CRISPLD2: variants seen among roughly 807,000 people sequenced by gnomAD.
CRISPLD2 encodes cysteine-rich secretory protein LCCL domain-containing 2.
In CRISPLD2, 47 loss-of-function variants were observed where a neutral mutation model predicts 71.1. The ratio of observed to expected loss-of-function variants is 0.66; its 90% confidence interval spans 0.52 to 0.84. The LOEUF is 0.84. CRISPLD2 is among the 40% of genes least tolerant of loss of function. The pLI is 0.00. For missense variants in CRISPLD2, 830 were observed against 651.1 expected, an observed-to-expected ratio of 1.27 and a Z score of -2.99; for synonymous variants, 317 against 250.1, an observed-to-expected ratio of 1.27 and a Z score of -2.52.
At chr16:84,882,014 T>C (rs987420883) in intron 13 of CRISPLD2, among the ~76,000 whole-genome samples, 7 of 152,162 alleles carry the variant, frequency 4.6e-5, no homozygotes, top group South Asian at 2.1e-4. Flanking sequence ...TCAGCTAAAA[T>C]TGAGTTATAA....
chr16:84,853,092 C>T (rs996996973), intron 5 of CRISPLD2, among the ~76,000 whole-genome samples: 4 of 152,162 alleles, frequency 2.6e-5, no homozygotes, highest in Non-Finnish European at 4.4e-5. Context: ...TATTTGTCTG[C>T]AGGACCTGGT....
intron 6 of CRISPLD2, 149 bp downstream of exon 6, chr16:84,854,978 T>G (rs1159666702): frequency 1.5e-6 from 1 of 671,236 alleles, no homozygotes; most frequent in Non-Finnish European, 2.7e-6. Context: ...CCCGCCTCCG[T>G]GATGAGCTGA....
chr16:84,899,388 C>T lies in CRISPLD2; in HGVS notation c.1440-7200C>T, dbSNP rs189626298. Among the ~76,000 whole-genome samples, 526 of 152,180 alleles carry T rather than the reference C, an allele frequency of 3.5e-3. 3 individuals carry two copies. Among genetic ancestry groups the T allele is most frequent in the African/African-American group, 0.012 (513 of 41,518 alleles). On this transcript the variant is annotated intron_variant, in intron 14 of 14. Transcript: ENST00000262424. Reference sequence around the variant, plus strand: ...GAGGGCAAGATTTGGGAAAGAAGGGCGGGAAGGGTATTTTATAATTATCAA... The same window carrying T: ...GAGGGCAAGATTTGGGAAAGAAGGGTGGGAAGGGTATTTTATAATTATCAA...
At chr16:84,847,479 G>A (rs1015948503) in intron 3 of CRISPLD2, among the ~76,000 whole-genome samples, 6 of 152,040 alleles carry the variant, frequency 3.9e-5, no homozygotes, top group East Asian at 3.9e-4. Context: ...GTGAAACCCC[G>A]TCTCTACTAA....
chr16:84,843,927 G>A (rs1394601165), intron 2 of CRISPLD2, among the ~76,000 whole-genome samples: 3 of 152,242 alleles, frequency 2.0e-5, no homozygotes, highest in South Asian at 2.1e-4. Flanking sequence ...AGAGGGAAGT[G>A]AGGCATGCGG....
intron 12 of CRISPLD2, among the ~76,000 whole-genome samples, chr16:84,878,870 A>G (rs549209073): frequency 1.3e-5 from 2 of 152,236 alleles, no homozygotes; most frequent in South Asian, 4.1e-4. Flanking sequence ...TTTCTGACTT[A>G]GCTCCATTGT....
At chr16:84,841,208 T>G (rs1916761621) in intron 2 of CRISPLD2, among the ~76,000 whole-genome samples, 1 of 152,208 alleles carries the variant, frequency 6.6e-6, no homozygotes, top group Non-Finnish European at 1.5e-5. Context: ...GGTGGCCCAC[T>G]CTGCGGAGGA....
At chr16:84,825,633 G>A (rs1567676699) in intron 1 of CRISPLD2, among the ~76,000 whole-genome samples, 1 of 152,120 alleles carries the variant, frequency 6.6e-6, no homozygotes, top group East Asian at 1.9e-4. Flanking sequence ...GTGCACGCCT[G>A]TAATCCCAGC....
intron 1 of CRISPLD2, 38 bp from the exon 2 acceptor site, chr16:84,838,384 T>A: frequency 1.5e-6 from 2 of 1,315,566 alleles, no homozygotes; most frequent in Non-Finnish European, 1.0e-6. Context: ...CGGCTCCTAC[T>A]AATGCGACTT....
At chr16:84,834,655 G>T (rs902703954) in intron 1 of CRISPLD2, among the ~76,000 whole-genome samples, 1 of 152,184 alleles carries the variant, frequency 6.6e-6, no homozygotes, top group Non-Finnish European at 1.5e-5. Flanking sequence ...CTGTTAAGCC[G>T]GCTACAGCAA....
chr16:84,885,746 T>C (rs1003071232), intron 13 of CRISPLD2, among the ~76,000 whole-genome samples: 1 of 152,168 alleles, frequency 6.6e-6, no homozygotes, highest in Admixed American at 6.5e-5. Context: ...GGCTCCACTT[T>C]TCTCTTTTGT....
At position 84,845,952 on chromosome 16, in the gene CRISPLD2, T is replaced by A. The variant is rs2143199251; in HGVS notation, c.359+48T>A. Reference sequence around the variant, plus strand: ...CGGCTGCCGCAGGACCCCACTGCCGTGTGCCGGGCTCAGCACTTGTGCCCC... The same window carrying A: ...CGGCTGCCGCAGGACCCCACTGCCGAGTGCCGGGCTCAGCACTTGTGCCCC... On this transcript the variant is annotated intron_variant, in intron 3 of 14. Transcript: ENST00000262424. 3 of 1,269,538 alleles carry A rather than the reference T, an allele frequency of 2.4e-6. No homozygotes were observed. The East Asian group carries it at 7.0e-5, about 30-fold the overall frequency. 78.6% of individuals were successfully genotyped at this position (1,269,538 alleles called of 1,614,324 possible).
rs775651806 is a variant in CRISPLD2, at chr16:84,866,949, G to A, written c.762G>A (p.Thr254=). The change falls in exon 7 of 15, where the codon ACG becomes ACA. Residue 254 remains threonine, a synonymous_variant. Coordinates refer to ENST00000262424, the MANE Select transcript of CRISPLD2 (RefSeq NM_031476.4). The part of the protein sequence containing the change: ...PETDEMNEVE[T]APIPEENHVW... ...CGGACGAGATGAATGAGGTGGAAAC[G>A]GCTCCCATTCCTGAAGAAAACCATG... 6.2e-6 allele frequency: 10 copies of A among 1,613,826 alleles called. No individual in the cohort carries two copies. Among genetic ancestry groups the A allele is most frequent in the South Asian group, 3.3e-5 (3 of 91,082 alleles).
chr16:84,876,246 A>T (rs1333207370), intron 11 of CRISPLD2, among the ~76,000 whole-genome samples: 4 of 152,226 alleles, frequency 2.6e-5, no homozygotes, highest in Admixed American at 2.6e-4. Context: ...TCACGCCTAT[A>T]ATCCCAGCAC....
chr16:84,905,832 C>A (rs966949396), intron 14 of CRISPLD2, among the ~76,000 whole-genome samples: 4 of 151,718 alleles, frequency 2.6e-5, no homozygotes, highest in African/African-American at 7.3e-5. Flanking sequence ...GCCTCAGCCT[C>A]CCGAGTAGCT....
At chr16:84,839,235 G>C (rs1916708445) in intron 2 of CRISPLD2, 1 of 314,782 alleles carries the variant, frequency 3.2e-6, no homozygotes. Flanking sequence ...TGGGTTCCCT[G>C]TGCAGAGCCT....
chr16:84,849,387 A>C lies in CRISPLD2; in HGVS notation c.362A>C (p.Tyr121Ser), dbSNP rs760108981. The change falls in exon 4 of 15, where the codon TAT becomes TCT. Residue 121 changes from tyrosine (Y) to serine (S), a missense_variant and splice_region_variant. By Grantham distance (144) the Tyr-to-Ser change is moderately radical (BLOSUM62 -2). Transcript: ENST00000262424. ...AGTGAGCGGTTTCTGCCCTGCAGGT[A>C]TCGCTCTCCGGGGTTCCATGTGCAG... The part of the protein sequence containing the change: ...GQNLGAHWGR[Y>S]RSPGFHVQSW... The C allele has an allele frequency of 6.2e-7, 1 of 1,612,240 alleles. No individual in the cohort carries two copies. The highest frequency in any genetic ancestry group is 8.5e-7 in the Non-Finnish European group (1 of 1,178,760).
At chr16:84,843,056 G>C (rs766032791) in intron 2 of CRISPLD2, among the ~76,000 whole-genome samples, 1 of 152,178 alleles carries the variant, frequency 6.6e-6, no homozygotes, top group Non-Finnish European at 1.5e-5. Flanking sequence ...AAGTCAGGCC[G>C]CCCGGGCAGC....
In CRISPLD2 at chr16:84,873,895, T is replaced by TG. The variant is rs375211890; in HGVS notation, c.1113-25_1113-24insG. Reference sequence around the variant, plus strand: ...CTATTTGCATTTACCTAATGCCCGTTTTTTTTTTTTTTTTTTTTAAACAGC... The same window carrying TG: ...CTATTTGCATTTACCTAATGCCCGTTGTTTTTTTTTTTTTTTTTTAAACAGC... On this transcript the variant is annotated intron_variant, in intron 10 of 14. Transcript: ENST00000262424. 513 of 240,684 alleles carry TG rather than the reference T, an allele frequency of 2.1e-3. 3 individuals are homozygous for TG. Among genetic ancestry groups the TG allele is most frequent in the East Asian group, 6.6e-3 (10 of 1,514 alleles). The allele number at this position is 240,684 out of a possible 1,614,324, so 14.9% of individuals were successfully genotyped here.
Sources: gnomAD v4.1 joint callset for allele counts (sites outside exome capture counted in the v4.1 genomes callset) on GRCh38, gnomAD v4.1.1 for gene constraint, MANE v1.5 for transcripts, NCBI Gene and HGNC (gene_info 2026-07-23, HGNC 2026-07-21) for gene names.